FNDC1: variants seen among roughly 807,000 people sequenced by gnomAD.
FNDC1 encodes the protein fibronectin type III domain-containing protein 1.
In FNDC1, 96 loss-of-function variants were observed where a neutral mutation model predicts 168.0. The observed-to-expected ratio is 0.57, with a 90% CI of 0.48 to 0.68. The LOEUF (loss-of-function observed/expected upper bound fraction) is 0.68. FNDC1 is among the 30% of genes least tolerant of loss of function. FNDC1 has a pLI of 0.00. For synonymous variants in FNDC1, 1,099 were observed against 1,025.9 expected, an observed-to-expected ratio of 1.07 and a Z score of -1.36; for missense variants, 2,587 against 2,482.1, an observed-to-expected ratio of 1.04 and a Z score of -0.90.
intron 8 of FNDC1, 91 bp from the exon 9 acceptor site, chr6:159,226,382 A>T (rs1408611545): frequency 1.8e-5 from 17 of 970,870 alleles, no homozygotes; most frequent in Non-Finnish European, 2.6e-5. Context: ...TCTTCAATTT[A>T]AAAAAATGTG....
Position 159,267,857 on chromosome 6 carries a change from T to C in FNDC1, c.5500T>C (p.Phe1834Leu), listed in dbSNP as rs1777621755. 6.2e-7 allele frequency: 1 copy of C among 1,613,518 alleles called. No individual in the cohort carries two copies. The highest frequency in any genetic ancestry group is 8.5e-7 in the Non-Finnish European group (1 of 1,179,770). The stretch of plus-strand genomic sequence containing the variant: ...GGGAAGAGGTGAAGACCATTGCCAA[T>C]TTGTGGATTCACACCTTGATGGAAG... Reference protein sequence around the residue: ...SWGRGEDHCQFVDSHLDGRTG... With the variant: ...SWGRGEDHCQLVDSHLDGRTG... Residue 1834 changes from phenylalanine to leucine, a missense_variant, in exon 22 of 23, where the codon TTT becomes CTT. Physicochemically the swap from Phe to Leu is conservative, Grantham distance 22. Transcript: ENST00000297267.
intron 2 of FNDC1, among the ~76,000 whole-genome samples, chr6:159,199,035 T>A (rs1782314857): frequency 6.6e-6 from 1 of 152,226 alleles, no homozygotes; most frequent in South Asian, 2.1e-4. Context: ...AGTTTTGTTA[T>A]AATAATGCTC....
At position 159,264,152 on chromosome 6, in the gene FNDC1, A is replaced by C. The variant is rs542693509; in HGVS notation, c.5255-823A>C. On this transcript the variant is annotated intron_variant, in intron 19 of 22. Transcript: ENST00000297267. ...TGTATTTTGAGTTGTGCTTATACCC[A>C]TGAAGCCATTGTCACTGTCAAGATA... Among the ~76,000 whole-genome samples the C allele has an allele frequency of 8.5e-5, 13 of 152,330 alleles. No homozygotes were observed. The South Asian group carries it at 2.5e-3, about 29-fold the overall frequency.
intron 1 of FNDC1, among the ~76,000 whole-genome samples, chr6:159,183,361 A>C (rs1362425793): frequency 6.6e-6 from 1 of 152,142 alleles, no homozygotes; most frequent in Non-Finnish European, 1.5e-5. Context: ...TGCTTCCATG[A>C]TGCAACTTTT....
intron 2 of FNDC1, among the ~76,000 whole-genome samples, chr6:159,198,683 A>G (rs1753857065): frequency 6.6e-6 from 1 of 152,224 alleles, no homozygotes; most frequent in South Asian, 2.1e-4. Flanking sequence ...GAAGAAAAAC[A>G]TGTGAAAAGA....
At position 159,200,534 on chromosome 6, in the gene FNDC1, A is replaced by T. The variant is rs1782355895; in HGVS notation, c.413A>T (p.Asp138Val). ...SPPGGEWIEI[D>V]GFPIKGPGPF... ...TTAGGAGGTGAATGGATCGAGATTG[A>T]TGGTTTTCCCATTAAGGGTCCAGGA... Residue 138 changes from aspartate (D) to valine (V), a missense_variant, in exon 4 of 23, where the codon GAT becomes GTT. Coordinates refer to ENST00000297267, the MANE Select transcript of FNDC1 (RefSeq NM_032532.3). 1 of 1,600,574 alleles carries T rather than the reference A, an allele frequency of 6.2e-7. No homozygotes were observed.
At chr6:159,269,291 TCCATCCATCCATCTATC>T (rs1562315835) in intron 22 of FNDC1, among the ~76,000 whole-genome samples, 8 of 39,472 alleles carry the variant, frequency 2.0e-4, no homozygotes, top group East Asian at 3.7e-4. Context: ...TATCTATCTA[TCCATCCATCCATCTATC>T]CTATCTATTT....
At chr6:159,249,251 T>A in intron 16 of FNDC1, 69 bp downstream of exon 16, 1 of 1,454,456 alleles carries the variant, frequency 6.9e-7, no homozygotes, top group Non-Finnish European at 9.3e-7. Context: ...AAAACATTAC[T>A]AATCTTTTGG....
intron 11 of FNDC1, 142 bp downstream of exon 11, chr6:159,234,621 C>T: frequency 1.2e-6 from 1 of 818,740 alleles, no homozygotes; most frequent in Non-Finnish European, 1.9e-6. Flanking sequence ...GACATAATTT[C>T]ATCCTCTGAA....
At chr6:159,209,212 T>G (rs446504) in intron 4 of FNDC1, among the ~76,000 whole-genome samples, 16,270 of 152,218 alleles carry the variant, frequency 0.11, 1,243 homozygotes, top group African/African-American at 0.22. Flanking sequence ...AATGCAATTT[T>G]GAGATAAAAA....
intron 4 of FNDC1, among the ~76,000 whole-genome samples, chr6:159,213,068 G>C (rs1250121735): frequency 6.6e-6 from 1 of 152,206 alleles, no homozygotes. Context: ...GTGAGAGCTT[G>C]CTGCAGAGCG....
chr6:159,206,080 CAT>C (rs1444626077), intron 4 of FNDC1, among the ~76,000 whole-genome samples: 2 of 152,210 alleles, frequency 1.3e-5, no homozygotes, highest in African/African-American at 4.8e-5. Context: ...TTTAAACTGA[CAT>C]GTGTCATTGG....
At chr6:159,176,407 C>T (rs1350520547) in intron 1 of FNDC1, among the ~76,000 whole-genome samples, 6 of 152,274 alleles carry the variant, frequency 3.9e-5, no homozygotes, top group African/African-American at 7.2e-5. Flanking sequence ...ACAGGTGATA[C>T]GTGCTAGGAC....
Position 159,221,628 on chromosome 6 carries a change from A to G in FNDC1, c.698A>G (p.Gln233Arg). Residue 233 changes from glutamine to arginine, a missense_variant, in exon 6 of 23, where the codon CAG becomes CGG. Physicochemically the swap from Gln to Arg is conservative, Grantham distance 43 (BLOSUM62 1). Coordinates refer to ENST00000297267, the MANE Select transcript of FNDC1 (RefSeq NM_032532.3). ...ASESVYVVSLQSMNSQGRSQP... is the reference protein window; with the variant it reads ...ASESVYVVSLRSMNSQGRSQP... ...GAATCCGTGTATGTGGTCTCCCTGCAGTCCATGAACTCTCAGGGCCGGAGC... is the reference window on the plus strand; with the variant it reads ...GAATCCGTGTATGTGGTCTCCCTGCGGTCCATGAACTCTCAGGGCCGGAGC... 1.2e-6 allele frequency: 2 copies of G among 1,613,996 alleles called. No homozygotes were observed. Among genetic ancestry groups the G allele is most frequent in the Non-Finnish European group, 1.7e-6 (2 of 1,179,846 alleles).
intron 1 of FNDC1, among the ~76,000 whole-genome samples, chr6:159,183,663 C>T (rs1781929388): frequency 6.6e-6 from 1 of 152,148 alleles, no homozygotes; most frequent in South Asian, 2.1e-4. Context: ...GAGGAGCTGG[C>T]AAAGGGGACC....
chr6:159,233,631 G>A lies in FNDC1; in HGVS notation c.3119G>A (p.Arg1040Gln), dbSNP rs768162919. ...QPRLSLTQAG[R>Q]PRPTSQGRSH... ...AGGCTCTCACTGACCCAGGCCGGGC[G>A]GCCCCGCCCCACGTCGCAGGGCCGC... Residue 1040 changes from arginine to glutamine, a missense_variant, in exon 11 of 23, where the codon CGG (arginine) becomes CAG (glutamine). Coordinates refer to ENST00000297267, the MANE Select transcript of FNDC1 (RefSeq NM_032532.3). The surrounding 1 kb of genome is among the most constrained non-coding windows in gnomAD (Gnocchi z 4.6). 12 of 1,559,228 alleles carry A rather than the reference G, an allele frequency of 7.7e-6. No individual in the cohort carries two copies. The highest frequency in any genetic ancestry group is 7.1e-5 in the South Asian group (6 of 84,888).
In FNDC1 at chr6:159,193,267, C is replaced by A. The variant is rs184050904; in HGVS notation, c.110-4164C>A. ...TGTCTGACAATGTGGAGCCTGGACACCTTTTGTCTGAATTTCTTTTCGTCA... is the reference window on the plus strand; with the variant it reads ...TGTCTGACAATGTGGAGCCTGGACAACTTTTGTCTGAATTTCTTTTCGTCA... On this transcript the variant is annotated intron_variant, in intron 1 of 22. Coordinates refer to ENST00000297267, the MANE Select transcript of FNDC1 (RefSeq NM_032532.3). Among the ~76,000 whole-genome samples the A allele has an allele frequency of 5.8e-4, 89 of 152,248 alleles. 1 individual carries two copies. Among genetic ancestry groups the A allele is most frequent in the African/African-American group, 2.1e-3 (89 of 41,550 alleles).
chr6:159,271,647 T>C lies in FNDC1; in HGVS notation c.*205T>C. On this transcript the variant is annotated 3_prime_UTR_variant, in exon 23 of 23. Transcript: ENST00000297267. The stretch of plus-strand genomic sequence containing the variant: ...CTGGACAATGAACAGGATTCAGTTT[T>C]GCTGTTAACTTTGCTTCTCTACTTT... The C allele has an allele frequency of 2.1e-6, 1 of 486,324 alleles. No homozygotes were observed. The highest frequency in any genetic ancestry group is 3.7e-6 in the Non-Finnish European group (1 of 267,654). 30.1% of individuals were successfully genotyped at this position (486,324 alleles called of 1,614,324 possible).
At chr6:159,269,289 TATCCATCCATCC>T (rs1172613650) in intron 22 of FNDC1, among the ~76,000 whole-genome samples, 5 of 45,012 alleles carry the variant, frequency 1.1e-4, no homozygotes, top group South Asian at 8.8e-4. Flanking sequence ...TCTATCTATC[TATCCATCCATCC>T]ATCTATCCTA....
Sources: allele counts gnomAD v4.1 joint callset (sites outside exome capture counted in the v4.1 genomes callset), GRCh38; gene constraint gnomAD v4.1.1; non-coding constraint Gnocchi (gnomAD v3.1); transcripts MANE v1.5; gene names NCBI Gene and HGNC (gene_info 2026-07-23, HGNC 2026-07-21).